The following EPHB2 variants were observed in gnomAD, a reference collection of about 807,000 sequenced individuals.
The protein encoded by EPHB2 is ephrin type-B receptor 2.
Under a neutral mutation model 96.4 loss-of-function variants are expected in EPHB2, and 18 were observed. That is an observed-to-expected ratio of 0.19 (90% CI 0.13 to 0.28). The LOEUF is 0.28. EPHB2 is among the 10% of genes least tolerant of loss of function. EPHB2 has a pLI of 1.00. For missense variants in EPHB2, 989 were observed against 1,355.4 expected (o/e 0.73, Z 4.25); for synonymous variants, 506 against 534.1 (o/e 0.95, Z 0.72).
Position 22,860,393 on chromosome 1 carries a change from T to C in EPHB2, c.812-2644T>C, listed in dbSNP as rs1042737071. ...CCAGGGCAGAGAAGAGTGAGTTTCA[T>C]GAAGCAGTGCCATAGATACAGAAAT... On this transcript the variant is annotated intron_variant, in intron 3 of 15. Transcript: ENST00000374630. This position sits in a 1 kb window ranked among gnomAD's most constrained non-coding sequence, Gnocchi z 4.6. Among the ~76,000 whole-genome samples the C allele has an allele frequency of 3.9e-5, 6 of 152,052 alleles. No homozygotes were observed. Among genetic ancestry groups the C allele is most frequent in the Admixed American group, 3.3e-4 (5 of 15,270 alleles).
intron 1 of EPHB2, among the ~76,000 whole-genome samples, chr1:22,745,559 A>G (rs1643960849): frequency 6.6e-6 from 1 of 152,232 alleles, no homozygotes; most frequent in Non-Finnish European, 1.5e-5. Flanking sequence ...TTTACTGTAT[A>G]TGAGCTATAC....
intron 3 of EPHB2, among the ~76,000 whole-genome samples, chr1:22,802,857 C>T (rs1644865435): frequency 1.3e-5 from 2 of 152,150 alleles, no homozygotes; most frequent in South Asian, 4.1e-4. Context: ...TTGTGCTGGG[C>T]CAGAACACAG....
intron 3 of EPHB2, among the ~76,000 whole-genome samples, chr1:22,823,958 C>T (rs1212371311): frequency 6.6e-6 from 1 of 152,160 alleles, no homozygotes; most frequent in East Asian, 1.9e-4. Context: ...AGAGAAGACC[C>T]AGTGGATGTG....
intron 2 of EPHB2, among the ~76,000 whole-genome samples, chr1:22,783,568 G>A (rs534083688): frequency 4.2e-4 from 64 of 152,336 alleles, no homozygotes; most frequent in African/African-American, 1.4e-3. Context: ...GACCAGAGAC[G>A]ATGCCCCAGG....
At chr1:22,853,375 A>G (rs12062524) in intron 3 of EPHB2, among the ~76,000 whole-genome samples, 2 of 152,168 alleles carry the variant, frequency 1.3e-5, no homozygotes, top group Non-Finnish European at 2.9e-5. Flanking sequence ...TCTCAGCCAG[A>G]CACTGGGGCT....
At chr1:22,741,692 A>AAAAAAAAAAC in intron 1 of EPHB2, among the ~76,000 whole-genome samples, 1 of 149,066 alleles carries the variant, frequency 6.7e-6, no homozygotes, top group East Asian at 1.9e-4. Context: ...AAAAAAACAA[A>AAAAAAAAAAC]AAAACAAAAA....
intron 1 of EPHB2, among the ~76,000 whole-genome samples, chr1:22,742,894 T>G (rs1030416482): frequency 7.3e-6 from 1 of 137,564 alleles, no homozygotes; most frequent in Non-Finnish European, 1.7e-5. Flanking sequence ...TATTATGAAC[T>G]TTTTTTTTTT....
At chr1:22,851,557 G>T (rs547331570) in intron 3 of EPHB2, among the ~76,000 whole-genome samples, 2 of 152,306 alleles carry the variant, frequency 1.3e-5, no homozygotes, top group Admixed American at 1.3e-4. Flanking sequence ...AGCTCTGCTG[G>T]CCACTCATTT....
intron 1 of EPHB2, among the ~76,000 whole-genome samples, chr1:22,769,274 C>G (rs1644347045): frequency 6.6e-6 from 1 of 152,224 alleles, no homozygotes; most frequent in Non-Finnish European, 1.5e-5. Context: ...GCCCAATCCA[C>G]AGGTAGAATG....
chr1:22,741,483 A>G (rs1643901849), intron 1 of EPHB2, among the ~76,000 whole-genome samples: 1 of 152,002 alleles, frequency 6.6e-6, no homozygotes, highest in Non-Finnish European at 1.5e-5. Flanking sequence ...CCTGCAGATT[A>G]CCTTAGTTAC....
intron 4 of EPHB2, among the ~76,000 whole-genome samples, chr1:22,864,478 A>G (rs1486520559): frequency 6.6e-6 from 1 of 152,218 alleles, no homozygotes; most frequent in Non-Finnish European, 1.5e-5. Context: ...AAACAGCCCT[A>G]GTCAACAACT....
At chr1:22,739,929 GAGA>G (rs199508431) in intron 1 of EPHB2, among the ~76,000 whole-genome samples, 1,642 of 152,346 alleles carry the variant, frequency 0.011, 18 homozygotes, top group East Asian at 0.05. Flanking sequence ...TTTGAACACA[GAGA>G]AGAATTCCCT....
chr1:22,752,331 C>G (rs1644076518), intron 1 of EPHB2, among the ~76,000 whole-genome samples: 1 of 151,984 alleles, frequency 6.6e-6, no homozygotes, highest in Non-Finnish European at 1.5e-5. Context: ...AAACCCATCT[C>G]TACAAAAATA....
intron 6 of EPHB2, among the ~76,000 whole-genome samples, chr1:22,884,371 T>G (rs899963836): frequency 2.6e-5 from 4 of 152,052 alleles, no homozygotes; most frequent in Non-Finnish European, 5.9e-5. Context: ...CTGGGCATGG[T>G]GGCGCACACC....
At position 22,757,264 on chromosome 1, in the gene EPHB2, C is replaced by A. The variant is rs574133185; in HGVS notation, c.62-24157C>A. 1.1e-3 allele frequency among the ~76,000 whole-genome samples: 160 copies of A among 152,120 alleles called. 1 individual carries two copies. The highest frequency in any genetic ancestry group is 1.9e-3 in the Non-Finnish European group (128 of 68,000). ...GCCCTACCCTCCGAGAGACCCCAGC[C>A]TCACTGGGGAGACCCCACATGGATG... On this transcript the variant is annotated intron_variant, in intron 1 of 15. Transcript: ENST00000374630.
intron 3 of EPHB2, among the ~76,000 whole-genome samples, chr1:22,831,130 C>T (rs1645297926): frequency 6.6e-6 from 1 of 152,184 alleles, no homozygotes; most frequent in African/African-American, 2.4e-5. Context: ...GTACTGACTG[C>T]ATCTTTGCAG....
At chr1:22,855,953 G>A (rs1645691871) in intron 3 of EPHB2, among the ~76,000 whole-genome samples, 2 of 152,150 alleles carry the variant, frequency 1.3e-5, no homozygotes, top group Non-Finnish European at 2.9e-5. Context: ...CTGGGGAGTA[G>A]GAACTCAACC....
intron 1 of EPHB2, among the ~76,000 whole-genome samples, chr1:22,729,363 C>A (rs954925537): frequency 2.0e-5 from 3 of 152,178 alleles, no homozygotes; most frequent in African/African-American, 7.2e-5. Context: ...AACACACAGA[C>A]CTATATTAGG....
At chr1:22,722,631 G>T (rs1270720202) in intron 1 of EPHB2, among the ~76,000 whole-genome samples, 1 of 152,202 alleles carries the variant, frequency 6.6e-6, no homozygotes. Context: ...GAGCCATCTT[G>T]CAGGCATCTG....
Sources: gnomAD v4.1 joint callset for allele counts (sites outside exome capture counted in the v4.1 genomes callset) on GRCh38, gnomAD v4.1.1 for gene constraint, Gnocchi (gnomAD v3.1) non-coding constraint, MANE v1.5 for transcripts, NCBI Gene and HGNC (gene_info 2026-07-23, HGNC 2026-07-21) for gene names.